Variants in MPP7 observed in about 807,000 individuals in gnomAD.
MPP7 encodes MAGUK p55 scaffold protein 7.
In MPP7, 60 loss-of-function variants were observed where a neutral mutation model predicts 76.5. The ratio of observed to expected loss-of-function variants is 0.78; its 90% CI spans 0.64 to 0.97. MPP7 has a LOEUF of 0.97. Ranked by LOEUF, MPP7 falls within the 50% of genes least tolerant of loss-of-function variation. The pLI is 0.00. For missense variants in MPP7, 641 were observed against 694.0 expected (o/e 0.92, Z 0.86); for synonymous variants, 237 against 244.5 (o/e 0.97, Z 0.29).
At chr10:28,138,843 G>T (rs1479438885) in intron 5 of MPP7, among the ~76,000 whole-genome samples, 1 of 152,166 alleles carries the variant, frequency 6.6e-6, no homozygotes, top group African/African-American at 2.4e-5. Context: ...GGCTATAATG[G>T]AATAAAAATT....
intron 4 of MPP7, among the ~76,000 whole-genome samples, chr10:28,147,770 T>C (rs948695262): frequency 8.5e-5 from 13 of 152,302 alleles, no homozygotes; most frequent in African/African-American, 2.9e-4. Context: ...CTCAGCTGAG[T>C]ACAAATCAAG....
chr10:28,283,305 G>C (rs750480743), intron 1 of MPP7, among the ~76,000 whole-genome samples: 1 of 151,948 alleles, frequency 6.6e-6, no homozygotes, highest in Non-Finnish European at 1.5e-5. Flanking sequence ...CCAGTTCCTA[G>C]TTATATGACC....
At chr10:28,232,370 C>CACACAA (rs1242017606) in intron 2 of MPP7, among the ~76,000 whole-genome samples, 129 of 151,070 alleles carry the variant, frequency 8.5e-4, no homozygotes, top group African/African-American at 3.1e-3. Context: ...CACACACACA[C>CACACAA]ACACACACAC....
chr10:28,167,554 T>C (rs1209858698), intron 3 of MPP7, among the ~76,000 whole-genome samples: 1 of 152,002 alleles, frequency 6.6e-6, no homozygotes, highest in Non-Finnish European at 1.5e-5. Context: ...TCAACAGAAG[T>C]CCAAGCCTCA....
intron 13 of MPP7, 65 bp downstream of exon 13, chr10:28,069,707 A>AT: frequency 1.5e-6 from 2 of 1,323,772 alleles, no homozygotes; most frequent in South Asian, 1.7e-5. Context: ...TTTTAAAATA[A>AT]TTTTTTAAAA....
At chr10:28,193,879 TAAAAA>T (rs34829059) in intron 3 of MPP7, among the ~76,000 whole-genome samples, 1 of 148,884 alleles carries the variant, frequency 6.7e-6, no homozygotes, top group Non-Finnish European at 1.5e-5. Flanking sequence ...TGGCTAAAAT[TAAAAA>T]AAAAAAAAAA....
At position 28,055,408 on chromosome 10, in the gene MPP7, A is replaced by G. The variant is rs545230489; in HGVS notation, c.1551+1072T>C. On this transcript the variant is annotated intron_variant, in intron 16 of 16. Coordinates refer to ENST00000683449, the MANE Select transcript of MPP7 (RefSeq NM_001318170.2). Reference sequence around the variant, plus strand: ...CACAATGAACAGTTCATAAATTAATATAAACTAAAGTTAATGATGAGCTAA... The same window carrying G: ...CACAATGAACAGTTCATAAATTAATGTAAACTAAAGTTAATGATGAGCTAA... Among the ~76,000 whole-genome samples the G allele has an allele frequency of 7.9e-5, 12 of 152,336 alleles. No homozygotes were observed. The South Asian group carries it at 2.1e-3, about 26-fold the overall frequency.
At chr10:28,165,600 A>G (rs1681937506) in intron 3 of MPP7, among the ~76,000 whole-genome samples, 1 of 152,154 alleles carries the variant, frequency 6.6e-6, no homozygotes, top group African/African-American at 2.4e-5. Flanking sequence ...TTTAGCCTCA[A>G]ATATTTTAAA....
chr10:28,303,073 C>T (rs1178752263), upstream of MPP7, among the ~76,000 whole-genome samples: 4 of 152,204 alleles, frequency 2.6e-5, no homozygotes, highest in Admixed American at 2.6e-4. Flanking sequence ...ACACGGCCCC[C>T]ACCCTCGGAG....
At chr10:28,232,829 G>T (rs1389936056) in intron 2 of MPP7, among the ~76,000 whole-genome samples, 1 of 152,238 alleles carries the variant, frequency 6.6e-6, no homozygotes, top group South Asian at 2.1e-4. Flanking sequence ...TGGAATTTTT[G>T]ACCTAGGTGG....
intron 11 of MPP7, among the ~76,000 whole-genome samples, chr10:28,106,206 G>C (rs75539083): frequency 0.012 from 1,830 of 152,182 alleles, 52 homozygotes; most frequent in East Asian, 0.11. Flanking sequence ...ACCCAATCTA[G>C]TCTTATTTGG....
chr10:28,136,517 A>T (rs1835358957), intron 5 of MPP7, among the ~76,000 whole-genome samples: 1 of 152,202 alleles, frequency 6.6e-6, no homozygotes, highest in South Asian at 2.1e-4. Context: ...GAAACCAAAT[A>T]CTGAAATTAC....
chr10:28,170,333 T>G (rs992206297), intron 3 of MPP7, among the ~76,000 whole-genome samples: 1 of 151,762 alleles, frequency 6.6e-6, no homozygotes, highest in Admixed American at 6.6e-5. Flanking sequence ...TATTTTCTCT[T>G]TTTTTTAATT....
At chr10:28,230,841 A>T (rs950235901) in intron 2 of MPP7, among the ~76,000 whole-genome samples, 3 of 152,144 alleles carry the variant, frequency 2.0e-5, no homozygotes, top group African/African-American at 4.8e-5. Context: ...TAAACTAAAC[A>T]AAAACTGATA....
chr10:28,310,020 T>TTTTTTTTA (rs57172078), intron 2 of MPP7, among the ~76,000 whole-genome samples: 8 of 144,236 alleles, frequency 5.5e-5, no homozygotes, highest in Non-Finnish European at 9.0e-5. Context: ...TTTTTTTTTT[T>TTTTTTTTA]AAACGGAGTC....
intron 11 of MPP7, among the ~76,000 whole-genome samples, chr10:28,106,263 T>C (rs1834320628): frequency 6.6e-6 from 1 of 152,238 alleles, no homozygotes; most frequent in African/African-American, 2.4e-5. Context: ...GCTTCTAGAC[T>C]ATTACCTCTC....
In MPP7 at chr10:28,215,240, T is replaced by C. The variant is rs1047012537; in HGVS notation, c.38-12969A>G. Among the ~76,000 whole-genome samples, 54 of 152,096 alleles carry C rather than the reference T, an allele frequency of 3.6e-4. 1 individual carries two copies. Among genetic ancestry groups the C allele is most frequent in the Admixed American group, 3.5e-3 (54 of 15,252 alleles). On this transcript the variant is annotated intron_variant, in intron 2 of 16. Coordinates refer to ENST00000683449, the MANE Select transcript of MPP7 (RefSeq NM_001318170.2). ...GGTCTCCTGAACAGCCAGCTCTGTG[T>C]GAATTACTCTTTCTCCATTGCAATT... is the stretch of plus-strand genomic sequence containing the variant.
chr10:28,076,918 C>T (rs1038088964), intron 12 of MPP7, among the ~76,000 whole-genome samples: 3 of 151,544 alleles, frequency 2.0e-5, no homozygotes, highest in Non-Finnish European at 2.9e-5. Flanking sequence ...ATAGAGTGTC[C>T]CAGCCTGCCT....
At chr10:28,131,205 A>G (rs563903128) in intron 6 of MPP7, among the ~76,000 whole-genome samples, 1 of 152,352 alleles carries the variant, frequency 6.6e-6, no homozygotes, top group Admixed American at 6.5e-5. Context: ...AAATTTAAAA[A>G]GCAATTGAAT....
Sources: gnomAD v4.1 joint callset for allele counts (sites outside exome capture counted in the v4.1 genomes callset) on GRCh38, gnomAD v4.1.1 for gene constraint, MANE v1.5 for transcripts, NCBI Gene and HGNC (gene_info 2026-07-23, HGNC 2026-07-21) for gene names.